Variants in NTM observed in about 807,000 individuals in gnomAD.
NTM encodes the protein IgLON family member 2.
In NTM, 13 loss-of-function variants were observed where a neutral mutation model predicts 42.1. That is an observed-to-expected ratio of 0.31 (90% CI 0.20 to 0.49). NTM has a LOEUF of 0.49. NTM is among the 20% of genes least tolerant of loss of function. The pLI is 0.99. For synonymous variants in NTM, 187 were observed against 179.2 expected (o/e 1.04, Z -0.35); for missense variants, 373 against 452.8 (o/e 0.82, Z 1.60).
intron 4 of NTM, among the ~76,000 whole-genome samples, chr11:132,235,547 T>G (rs1339439897): frequency 6.6e-6 from 1 of 152,190 alleles, no homozygotes; most frequent in Non-Finnish European, 1.5e-5. Context: ...TCTTTCCTAC[T>G]TTTCTTTTTC....
rs2070364460 is a variant in NTM at position 132,146,157 on chromosome 11, A to G, written c.168-125A>G. 1 of 1,422,298 alleles carries G rather than the reference A, an allele frequency of 7.0e-7. No individual in the cohort carries two copies. Among genetic ancestry groups the G allele is most frequent in the Non-Finnish European group, 9.4e-7 (1 of 1,062,692 alleles). 88.1% of individuals were successfully genotyped at this position (1,422,298 alleles called of 1,614,324 possible). On this transcript the variant is annotated intron_variant, in intron 2 of 8. Coordinates refer to ENST00000683400, the MANE Select transcript of NTM (RefSeq NM_001352005.2). This position sits in a 1 kb window ranked among gnomAD's most constrained non-coding sequence, Gnocchi z 4.5. ...AGAAAAGTCCACCCCTGACAAATCA[A>G]AGGAAATGTATGTGTTGGGGGAAGG...
intron 1 of NTM, among the ~76,000 whole-genome samples, chr11:131,908,204 G>A (rs2054144574): frequency 6.6e-6 from 1 of 152,200 alleles, no homozygotes; most frequent in African/African-American, 2.4e-5. Flanking sequence ...ACTGCATGCA[G>A]ACTGGTAGAA....
intron 1 of NTM, among the ~76,000 whole-genome samples, chr11:131,789,138 A>G (rs1315185641): frequency 6.6e-6 from 1 of 151,952 alleles, no homozygotes; most frequent in African/African-American, 2.4e-5. Flanking sequence ...CTTTTCTCTC[A>G]GTCATCGCTG....
intron 1 of NTM, among the ~76,000 whole-genome samples, chr11:131,422,032 A>T (rs1220392814): frequency 1.3e-5 from 2 of 152,176 alleles, no homozygotes; most frequent in African/African-American, 4.8e-5. Flanking sequence ...TAACACTGAG[A>T]GTTTGCAAGT....
At chr11:132,165,259 T>G (rs2075089233) in intron 3 of NTM, among the ~76,000 whole-genome samples, 1 of 152,216 alleles carries the variant, frequency 6.6e-6, no homozygotes, top group African/African-American at 2.4e-5. Context: ...ATCAGCAGTC[T>G]TGGAGTGGTA....
At chr11:131,665,022 G>T (rs765011045) in intron 1 of NTM, among the ~76,000 whole-genome samples, 1 of 152,136 alleles carries the variant, frequency 6.6e-6, no homozygotes, top group Non-Finnish European at 1.5e-5. Flanking sequence ...AGCCACGGAT[G>T]GGTACCCACC....
intron 8 of NTM, among the ~76,000 whole-genome samples, chr11:132,331,484 A>G (rs1299085380): frequency 6.6e-6 from 1 of 152,130 alleles, no homozygotes; most frequent in East Asian, 1.9e-4. Context: ...TTTTTGTTTT[A>G]TTTTTTCTTC....
At chr11:131,613,087 C>CTTCT (rs2061596606) in intron 1 of NTM, among the ~76,000 whole-genome samples, 1 of 152,242 alleles carries the variant, frequency 6.6e-6, no homozygotes, top group Non-Finnish European at 1.5e-5. Flanking sequence ...CTCATTCAAG[C>CTTCT]TTCTCTTCCT....
chr11:132,298,360 T>C (rs1256428478), intron 4 of NTM, among the ~76,000 whole-genome samples: 1 of 152,238 alleles, frequency 6.6e-6, no homozygotes, highest in Non-Finnish European at 1.5e-5. Flanking sequence ...TCAGCTGCAC[T>C]ACTGCAAATA....
intron 5 of NTM, among the ~76,000 whole-genome samples, chr11:132,308,407 T>C (rs1401253910): frequency 6.6e-6 from 1 of 152,130 alleles, no homozygotes; most frequent in Non-Finnish European, 1.5e-5. Context: ...GTTTGGAAGG[T>C]GCTGTGTGGA....
At chr11:131,726,702 C>T (rs2079012547) in intron 1 of NTM, among the ~76,000 whole-genome samples, 1 of 151,088 alleles carries the variant, frequency 6.6e-6, no homozygotes, top group Non-Finnish European at 1.5e-5. Context: ...CCCAGTCACC[C>T]CATTGCTCTT....
intron 1 of NTM, among the ~76,000 whole-genome samples, chr11:131,646,719 A>G (rs894318863): frequency 6.6e-6 from 1 of 152,184 alleles, no homozygotes; most frequent in Admixed American, 6.6e-5. Context: ...GATACCTCCA[A>G]CAGAAACGTA....
At chr11:131,754,795 C>T (rs1013885210) in intron 1 of NTM, among the ~76,000 whole-genome samples, 1 of 152,150 alleles carries the variant, frequency 6.6e-6, no homozygotes, top group African/African-American at 2.4e-5. Context: ...TGTTCATCAA[C>T]AGATGAGTGG....
chr11:132,062,982 G>T (rs1331843925), intron 2 of NTM, among the ~76,000 whole-genome samples: 1 of 152,096 alleles, frequency 6.6e-6, no homozygotes, highest in Non-Finnish European at 1.5e-5. Flanking sequence ...GACTTTTTGG[G>T]CTCCTAGAGC....
At chr11:132,109,692 C>G (rs1754747946) in intron 2 of NTM, among the ~76,000 whole-genome samples, 1 of 152,136 alleles carries the variant, frequency 6.6e-6, no homozygotes, top group African/African-American at 2.4e-5. Context: ...ATGCTGCTCT[C>G]CTCTCGGCTC....
At chr11:131,680,841 A>G (rs373262948) in intron 1 of NTM, among the ~76,000 whole-genome samples, 1 of 160 alleles carries the variant, frequency 6.3e-3, no homozygotes, top group African/African-American at 0.019. Context: ...GTCTGTGTGT[A>G]TGTCTCCCTG....
At chr11:132,097,219 G>A (rs913276197) in intron 2 of NTM, among the ~76,000 whole-genome samples, 16 of 152,198 alleles carry the variant, frequency 1.1e-4, no homozygotes, top group Non-Finnish European at 4.4e-5. Context: ...GAGAGAGCAC[G>A]CAAGTGTTGT....
At chr11:131,697,445 C>T (rs2075591929) in intron 1 of NTM, among the ~76,000 whole-genome samples, 1 of 152,214 alleles carries the variant, frequency 6.6e-6, no homozygotes, top group Admixed American at 6.5e-5. Flanking sequence ...ATTGTTGGCC[C>T]TCCATTATCT....
At chr11:132,247,871 T>G (rs957460758) in intron 4 of NTM, among the ~76,000 whole-genome samples, 2 of 152,166 alleles carry the variant, frequency 1.3e-5, no homozygotes, top group African/African-American at 2.4e-5. Context: ...TGCTACCTCA[T>G]TTTACCCCCT....
Sources: allele counts gnomAD v4.1 joint callset (sites outside exome capture counted in the v4.1 genomes callset), GRCh38; gene constraint gnomAD v4.1.1; non-coding constraint Gnocchi (gnomAD v3.1); transcripts MANE v1.5; gene names NCBI Gene and HGNC (gene_info 2026-07-23, HGNC 2026-07-21).